Variants in TTLL5 observed in about 807,000 individuals in gnomAD.
TTLL5 encodes the protein tubulin polyglutamylase TTLL5.
In TTLL5, 132 loss-of-function variants were observed where a neutral mutation model predicts 168.4. The observed-to-expected ratio is 0.78, with a 90% confidence interval of 0.68 to 0.91. The LOEUF is 0.91. Among genes scored for constraint, TTLL5 ranks in the 40% least tolerant of loss-of-function variants. The pLI is 0.00. For missense variants in TTLL5, 1,545 were observed against 1,581.5 expected (o/e 0.98, Z 0.39); for synonymous variants, 546 against 558.6 (o/e 0.98, Z 0.32).
intron 30 of TTLL5, chr14:75,887,229 G>A (rs2032168377): frequency 3.0e-6 from 3 of 989,242 alleles, no homozygotes; most frequent in Non-Finnish European, 3.6e-6. Context: ...CATGTGGTGA[G>A]GTCAGCCGTA....
intron 4 of TTLL5, 91 bp downstream of exon 4, chr14:75,681,718 C>T (rs2140118113): frequency 9.2e-7 from 1 of 1,084,404 alleles, no homozygotes; most frequent in South Asian, 1.3e-5. Flanking sequence ...GGGCCAGCTC[C>T]AGGAAGTACA....
chr14:75,711,341 T>A (rs1050085794), intron 9 of TTLL5: 1 of 152,172 alleles, frequency 6.6e-6, no homozygotes, highest in African/African-American at 2.4e-5. Context: ...AGAGGGGTGC[T>A]ATGCTCTACC....
At chr14:75,746,247 C>CATTATTATT (rs569844412) in intron 17 of TTLL5, among the ~76,000 whole-genome samples, 2 of 151,962 alleles carry the variant, frequency 1.3e-5, no homozygotes, top group Non-Finnish European at 2.9e-5. Flanking sequence ...AAGAATAGTT[C>CATTATTATT]ATTATTATTA....
chr14:75,828,403 ATAT>A (rs10603771), intron 28 of TTLL5, among the ~76,000 whole-genome samples: 136,031 of 152,062 alleles, frequency 0.89, 61,012 homozygotes, highest in African/African-American at 0.94. Flanking sequence ...AATAGTAAAT[ATAT>A]TATTTCTCTT....
chr14:75,682,842 C>T (rs1478506745), intron 4 of TTLL5, among the ~76,000 whole-genome samples: 1 of 151,592 alleles, frequency 6.6e-6, no homozygotes, highest in Non-Finnish European at 1.5e-5. Context: ...TCATAGTTCA[C>T]TGTAGGCTTG....
At position 75,874,933 on chromosome 14, in the gene TTLL5, C is replaced by CTTTTTTTT. The variant is rs1555353208; in HGVS notation, c.3523-7741_3523-7734dup. The stretch of plus-strand genomic sequence containing the variant: ...AGAGAAAAAAAAAGACACTGGGGGC[C>CTTTTTTTT]TTTTTTTTTTTTTTTTTTGAGACGG... On this transcript the variant is annotated intron_variant, in intron 29 of 31. Transcript: ENST00000298832. Among the ~76,000 whole-genome samples, 59 of 97,528 alleles carry CTTTTTTTT rather than the reference C, an allele frequency of 6.0e-4. 3 individuals are homozygous for CTTTTTTTT. Among genetic ancestry groups the CTTTTTTTT allele is most frequent in the African/African-American group, 2.1e-3 (43 of 20,364 alleles). The allele number at this position is 97,528 out of a possible 152,430, so 64.0% of individuals were successfully genotyped here. A position where few individuals can be genotyped will look rare whatever the true frequency, so the allele number is the denominator to read the frequency against.
intron 28 of TTLL5, among the ~76,000 whole-genome samples, chr14:75,833,828 G>A (rs1437120474): frequency 6.6e-6 from 1 of 152,204 alleles, no homozygotes; most frequent in South Asian, 2.1e-4. Context: ...AGTAAGGAGT[G>A]GAATCCAGGG....
At chr14:75,939,687 C>G (rs1362552247) in intron 31 of TTLL5, among the ~76,000 whole-genome samples, 1 of 152,224 alleles carries the variant, frequency 6.6e-6, no homozygotes, top group African/African-American at 2.4e-5. Context: ...CCATGCCCAG[C>G]TGGACCATTT....
intron 27 of TTLL5, among the ~76,000 whole-genome samples, chr14:75,799,856 C>T (rs1429013010): frequency 1.3e-5 from 2 of 152,256 alleles, no homozygotes; most frequent in Non-Finnish European, 2.9e-5. Flanking sequence ...AATAGGTTTT[C>T]CTTTATAGGT....
chr14:75,758,100 G>A (rs980586798), intron 18 of TTLL5, among the ~76,000 whole-genome samples: 9 of 152,100 alleles, frequency 5.9e-5, no homozygotes, highest in African/African-American at 1.9e-4. Flanking sequence ...TGGTATTCTC[G>A]TTTAGCTGTG....
intron 27 of TTLL5, among the ~76,000 whole-genome samples, chr14:75,817,972 GGA>G (rs1368648812): frequency 6.6e-6 from 1 of 150,820 alleles, no homozygotes; most frequent in Admixed American, 6.6e-5. Context: ...CGAGTAGCTG[GGA>G]CTACAGGTGC....
Position 75,840,723 on chromosome 14 carries a change from C to G in TTLL5, c.3326+20562C>G, listed in dbSNP as rs530447658. Among the ~76,000 whole-genome samples, 10 of 152,346 alleles carry G rather than the reference C, an allele frequency of 6.6e-5. No homozygotes were observed. In the East Asian group the frequency reaches 1.9e-3, roughly 29 times the overall value. On this transcript the variant is annotated intron_variant, in intron 28 of 31. Coordinates refer to ENST00000298832, the MANE Select transcript of TTLL5 (RefSeq NM_015072.5). ...AAAATGGGAATCCCTTGCCTTTTCT[C>G]TTCCCACTGCTACCCAACCTTAATT...
At chr14:75,746,853 C>T (rs779944380) in intron 17 of TTLL5, among the ~76,000 whole-genome samples, 39 of 152,040 alleles carry the variant, frequency 2.6e-4, no homozygotes, top group Admixed American at 6.6e-4. Flanking sequence ...CGTGAGACAC[C>T]GTGCTTGGTC....
rs1253933984 is a variant in TTLL5 at position 75,941,120 on chromosome 14, G to A, written c.3824-13304G>A. ...ATTTCTGGGAGGCCATGAGGGCTTG[G>A]TGGTGCTGCTGTAGTCAGCGGCTCC... On this transcript the variant is annotated intron_variant, in intron 31 of 31. Coordinates refer to ENST00000298832, the MANE Select transcript of TTLL5 (RefSeq NM_015072.5). Among the ~76,000 whole-genome samples, 4 of 152,222 alleles carry A rather than the reference G, an allele frequency of 2.6e-5. No individual in the cohort carries two copies. In the South Asian group the frequency reaches 8.3e-4, roughly 32 times the overall value.
intron 31 of TTLL5, among the ~76,000 whole-genome samples, chr14:75,940,077 C>CTTTTTTTTTTT (rs5809741): frequency 1.0e-4 from 8 of 78,836 alleles, no homozygotes; most frequent in South Asian, 4.5e-4. Flanking sequence ...GAAATTAAAT[C>CTTTTTTTTTTT]TTTTTTTTTT....
intron 29 of TTLL5, among the ~76,000 whole-genome samples, chr14:75,881,743 C>T (rs1473297683): frequency 6.6e-6 from 1 of 152,052 alleles, no homozygotes; most frequent in Admixed American, 6.6e-5. Context: ...TTATTTTTCT[C>T]TTAATATTAT....
Position 75,690,304 on chromosome 14 carries a change from G to A in TTLL5, c.484G>A (p.Glu162Lys). The change falls in exon 6 of 32, where the codon GAG becomes AAG. Residue 162 changes from glutamate (E) to lysine (K), a missense_variant. Physicochemically the swap from Glu to Lys is moderately conservative, Grantham distance 56. Transcript: ENST00000298832. The part of the protein sequence containing the change: ...ILPQTFLLPA[E>K]YAEFCNSYSK... ...CCCCCAGACCTTCCTCCTGCCAGCT[G>A]AGTACGCGGAATTTTGTAGTAAGTG... The A allele has an allele frequency of 6.2e-7, 1 of 1,607,516 alleles. No individual in the cohort carries two copies. Among genetic ancestry groups the A allele is most frequent in the Non-Finnish European group, 8.5e-7 (1 of 1,177,576 alleles).
chr14:75,863,716 G>A lies in TTLL5; in HGVS notation c.3376G>A (p.Val1126Met), dbSNP rs542956518. The A allele has an allele frequency of 5.3e-5, 85 of 1,611,902 alleles. No homozygotes were observed. Among genetic ancestry groups the A allele is most frequent in the East Asian group, 1.8e-4 (8 of 44,856 alleles). ...FAWEGEVENN[V>M]YSQATGVVPQ... Reference sequence around the variant, plus strand: ...CTGGGAAGGAGAAGTAGAAAACAACGTGTACAGCCAGGCTACAGGGGTGGT... The same window carrying A: ...CTGGGAAGGAGAAGTAGAAAACAACATGTACAGCCAGGCTACAGGGGTGGT... The change falls in exon 29 of 32, where the codon GTG (valine) becomes ATG (methionine). Residue 1126 changes from valine to methionine, a missense_variant. Physicochemically the swap from Val to Met is conservative, Grantham distance 21. Transcript: ENST00000298832.
intron 29 of TTLL5, among the ~76,000 whole-genome samples, chr14:75,864,235 C>G (rs2030312544): frequency 6.6e-6 from 1 of 152,136 alleles, no homozygotes; most frequent in Non-Finnish European, 1.5e-5. Context: ...TCTAAATGTT[C>G]TACTTTCTTG....
Sources: allele counts gnomAD v4.1 joint callset (sites outside exome capture counted in the v4.1 genomes callset), GRCh38; gene constraint gnomAD v4.1.1; transcripts MANE v1.5; gene names NCBI Gene and HGNC (gene_info 2026-07-23, HGNC 2026-07-21).